The following GALNTL6 variants were observed in gnomAD, a reference collection of about 807,000 sequenced individuals.
GALNTL6 encodes the protein polypeptide N-acetylgalactosaminyltransferase like 6, also known as polypeptide N-acetylgalactosaminyltransferase-like 6.
In GALNTL6, 46 loss-of-function variants were observed where a neutral mutation model predicts 73.7. The observed-to-expected ratio is 0.62, with a 90% CI of 0.49 to 0.80. GALNTL6 has a LOEUF of 0.80. Ranked by LOEUF, GALNTL6 falls within the 30% of genes least tolerant of loss-of-function variation. The probability of loss-of-function intolerance (pLI) is 0.00; values close to 1 mark genes in which losing one functional copy is unlikely to be tolerated. For synonymous variants in GALNTL6, 259 were observed against 263.7 expected (o/e 0.98, Z 0.17); for missense variants, 604 against 755.0 (o/e 0.80, Z 2.34).
At chr4:172,090,414 C>T (rs1292537842) in intron 2 of GALNTL6, among the ~76,000 whole-genome samples, 2 of 152,126 alleles carry the variant, frequency 1.3e-5, no homozygotes, top group Non-Finnish European at 2.9e-5. Flanking sequence ...GAGATAGTGT[C>T]TCATCGTGGT....
chr4:172,709,623 A>G (rs1734569396), intron 5 of GALNTL6, among the ~76,000 whole-genome samples: 1 of 152,160 alleles, frequency 6.6e-6, no homozygotes, highest in African/African-American at 2.4e-5. Flanking sequence ...CCCTCAACCC[A>G]GACAGCTCCC....
chr4:171,875,238 A>G (rs1736243575), intron 2 of GALNTL6, among the ~76,000 whole-genome samples: 1 of 152,182 alleles, frequency 6.6e-6, no homozygotes, highest in Non-Finnish European at 1.5e-5. Flanking sequence ...ACCAACTAGT[A>G]AAAGAAGCAA....
In GALNTL6 at chr4:172,528,322, ATATATATATAT is replaced by A. The variant is rs1735035463; in HGVS notation, c.553+179634_553+179644del. Among the ~76,000 whole-genome samples, 2 of 7,920 alleles carry A rather than the reference ATATATATATAT, an allele frequency of 2.5e-4. 1 individual carries two copies. Among genetic ancestry groups the A allele is most frequent in the African/African-American group, 4.9e-4 (2 of 4,106 alleles). The allele number at this position is 7,920 out of a possible 152,430, so 5.2% of individuals were successfully genotyped here. On this transcript the variant is annotated intron_variant, in intron 5 of 12. Coordinates refer to ENST00000506823, the MANE Select transcript of GALNTL6 (RefSeq NM_001034845.3). ...ACATTTGGCTTGCTAGAAATAAAATATATATATATATATATATATATATATATATATATATA... is the reference window on the plus strand; with the variant it reads ...ACATTTGGCTTGCTAGAAATAAAATAATATATATATATATATATATATATA...
intron 2 of GALNTL6, among the ~76,000 whole-genome samples, chr4:171,892,693 C>G (rs1434863492): frequency 6.6e-6 from 1 of 152,102 alleles, no homozygotes; most frequent in Non-Finnish European, 1.5e-5. Flanking sequence ...TCCCAAGTAG[C>G]TGTCACTACA....
At chr4:172,445,334 A>G (rs1054748743) in intron 5 of GALNTL6, among the ~76,000 whole-genome samples, 7 of 152,340 alleles carry the variant, frequency 4.6e-5, no homozygotes, top group Non-Finnish European at 8.8e-5. Flanking sequence ...GAAATAATAG[A>G]AGAAAAAACT....
intron 2 of GALNTL6, among the ~76,000 whole-genome samples, chr4:172,005,871 C>A (rs565927492): frequency 6.6e-5 from 10 of 152,210 alleles, no homozygotes; most frequent in Non-Finnish European, 1.3e-4. Context: ...GAAGCCTTAG[C>A]TTAAATAACT....
chr4:172,745,038 T>C (rs532538338), intron 5 of GALNTL6, among the ~76,000 whole-genome samples: 53 of 152,140 alleles, frequency 3.5e-4, no homozygotes, highest in African/African-American at 1.1e-3. Context: ...GAGGTGATCA[T>C]TGAAGTAACT....
intron 2 of GALNTL6, among the ~76,000 whole-genome samples, chr4:171,821,640 GATAT>G (rs3080305): frequency 0.016 from 2,274 of 146,232 alleles, 44 homozygotes; most frequent in African/African-American, 0.04. Context: ...AGGCTTAACG[GATAT>G]ATATATATAT....
chr4:172,590,831 G>A (rs911286455), intron 5 of GALNTL6, among the ~76,000 whole-genome samples: 12 of 152,244 alleles, frequency 7.9e-5, no homozygotes, highest in Non-Finnish European at 1.3e-4. Flanking sequence ...AATAGCTCCT[G>A]TAAAATCCAA....
At position 172,069,233 on chromosome 4, in the gene GALNTL6, A is replaced by C. The variant is rs1202336315; in HGVS notation, c.139-160423A>C. On this transcript the variant is annotated intron_variant, in intron 2 of 12. Coordinates refer to ENST00000506823, the MANE Select transcript of GALNTL6 (RefSeq NM_001034845.3). ...ATAACCTAGGTCATTAAAGATGATTAATGTCTGCCATATTCCACCAGCATT... is the reference window on the plus strand; with the variant it reads ...ATAACCTAGGTCATTAAAGATGATTCATGTCTGCCATATTCCACCAGCATT... Among the ~76,000 whole-genome samples, 2 of 107,888 alleles carry C rather than the reference A, an allele frequency of 1.9e-5. 1 individual carries two copies. Among genetic ancestry groups the C allele is most frequent in the Non-Finnish European group, 4.1e-5 (2 of 48,962 alleles). 70.8% of individuals were successfully genotyped at this position (107,888 alleles called of 152,430 possible).
chr4:172,383,128 T>C (rs1457768743), intron 5 of GALNTL6, among the ~76,000 whole-genome samples: 1 of 152,058 alleles, frequency 6.6e-6, no homozygotes, highest in East Asian at 1.9e-4. Flanking sequence ...TACATTCTCA[T>C]GTATATTTTA....
chr4:172,181,982 G>A (rs1735261015), intron 2 of GALNTL6, among the ~76,000 whole-genome samples: 1 of 152,094 alleles, frequency 6.6e-6, no homozygotes, highest in Admixed American at 6.6e-5. Context: ...CTCCCAAAGT[G>A]CTGGGATTAC....
chr4:172,898,510 A>G lies in GALNTL6; in HGVS notation c.1041+15603A>G, dbSNP rs75835992. 5.1e-3 allele frequency among the ~76,000 whole-genome samples: 781 copies of G among 151,868 alleles called. 11 individuals carry two copies. The highest frequency in any genetic ancestry group is 0.018 in the African/African-American group (741 of 41,484). On this transcript the variant is annotated intron_variant, in intron 8 of 12. Transcript: ENST00000506823. ...TTTCTCTTTTTCCTTCATTACAGTC[A>G]TTATTTATTAGAAATGTAGGTGGAT... is the stretch of plus-strand genomic sequence containing the variant.
chr4:172,018,689 A>G (rs566035380), intron 2 of GALNTL6, among the ~76,000 whole-genome samples: 14 of 152,200 alleles, frequency 9.2e-5, no homozygotes, highest in African/African-American at 3.4e-4. Flanking sequence ...ATTTGTCCAC[A>G]ATACCAACTT....
chr4:172,923,006 G>A (rs1308959955), intron 8 of GALNTL6, among the ~76,000 whole-genome samples: 1 of 152,188 alleles, frequency 6.6e-6, no homozygotes, highest in African/African-American at 2.4e-5. Context: ...AGGTAGGCTA[G>A]TTATAAGCAG....
intron 2 of GALNTL6, among the ~76,000 whole-genome samples, chr4:172,224,054 G>A (rs369030550): frequency 1.3e-5 from 2 of 152,108 alleles, no homozygotes; most frequent in African/African-American, 4.8e-5. Context: ...ATGATTTAAG[G>A]TTTTTCTCAG....
intron 5 of GALNTL6, among the ~76,000 whole-genome samples, chr4:172,729,606 T>C (rs1011371853): frequency 1.3e-5 from 2 of 152,220 alleles, no homozygotes; most frequent in Admixed American, 1.3e-4. Context: ...TCTATTTTTA[T>C]GTGAGTACCA....
chr4:172,343,991 G>A (rs1561036616), intron 4 of GALNTL6, among the ~76,000 whole-genome samples: 1 of 152,028 alleles, frequency 6.6e-6, no homozygotes, highest in East Asian at 1.9e-4. Flanking sequence ...TTATGCAAAT[G>A]CTTATCTGAA....
rs369219302 is a variant in GALNTL6, at chr4:172,529,863, T to TTTTA, written c.553+181208_553+181211dup. Among the ~76,000 whole-genome samples the TTTTA allele has an allele frequency of 5.7e-3, 793 of 138,678 alleles. 15 individuals are homozygous for TTTTA. The highest frequency in any genetic ancestry group is 0.02 in the African/African-American group (713 of 36,452). 91.0% of individuals were successfully genotyped at this position (138,678 alleles called of 152,430 possible). On this transcript the variant is annotated intron_variant, in intron 5 of 12. Transcript: ENST00000506823. ...ACCACATCTGGCTAATTTATTTTTA[T>TTTTA]TTTATTTATTTATTTATTTATTTAT...
Sources: gnomAD v4.1 joint callset for allele counts (sites outside exome capture counted in the v4.1 genomes callset) on GRCh38, gnomAD v4.1.1 for gene constraint, MANE v1.5 for transcripts, NCBI Gene and HGNC (gene_info 2026-07-23, HGNC 2026-07-21) for gene names.